JMJD1C: variants seen among roughly 807,000 people sequenced by gnomAD.
The protein encoded by JMJD1C is jumonji domain-containing protein 1C.
JMJD1C carries 31 observed loss-of-function variants against 245.3 expected under a neutral mutation model. That is an observed-to-expected ratio of 0.13 (90% CI 0.09 to 0.17). The LOEUF is 0.17. Among genes scored for constraint, JMJD1C ranks in the 10% least tolerant of loss-of-function variants. The probability of loss-of-function intolerance (pLI) is 1.00; values close to 1 mark genes in which losing one functional copy is unlikely to be tolerated. For missense variants in JMJD1C, 2,691 were observed against 3,000.2 expected, an observed-to-expected ratio of 0.90 and a Z score of 2.41; for synonymous variants, 1,057 against 1,017.4, an observed-to-expected ratio of 1.04 and a Z score of -0.74.
intron 3 of JMJD1C, chr10:63,223,054 A>G (rs960526129): frequency 6.2e-6 from 7 of 1,123,712 alleles, no homozygotes; most frequent in African/African-American, 3.1e-5. Context: ...TATAATTGGT[A>G]TATGTCTTCC....
intron 2 of JMJD1C, among the ~76,000 whole-genome samples, chr10:63,337,655 C>T (rs892275485): frequency 7.1e-6 from 1 of 140,960 alleles, no homozygotes; most frequent in Non-Finnish European, 1.6e-5. Flanking sequence ...CGCTATTGTT[C>T]CTCACAGTAA....
intron 2 of JMJD1C, among the ~76,000 whole-genome samples, chr10:63,323,017 C>T (rs114654161): frequency 1.3e-5 from 2 of 150,962 alleles, no homozygotes; most frequent in Non-Finnish European, 2.9e-5. Flanking sequence ...ATACATAGAT[C>T]TATATATGAA....
intron 1 of JMJD1C, among the ~76,000 whole-genome samples, chr10:63,419,789 T>C (rs1950012174): frequency 7.2e-6 from 1 of 138,500 alleles, no homozygotes; most frequent in Non-Finnish European, 1.5e-5. Flanking sequence ...AGACAATCCC[T>C]ATCACCAGGC....
intron 2 of JMJD1C, among the ~76,000 whole-genome samples, chr10:63,365,879 C>G (rs1488013884): frequency 6.6e-6 from 1 of 152,190 alleles, no homozygotes; most frequent in Non-Finnish European, 1.5e-5. Flanking sequence ...TACTGGGAAA[C>G]AATCACTAGG....
At chr10:63,418,295 A>G (rs1949913650) in intron 1 of JMJD1C, among the ~76,000 whole-genome samples, 1 of 152,194 alleles carries the variant, frequency 6.6e-6, no homozygotes, top group Non-Finnish European at 1.5e-5. Flanking sequence ...AAAAATTACC[A>G]TACTATAGAA....
chr10:63,225,614 C>G (rs1554845122), intron 3 of JMJD1C, among the ~76,000 whole-genome samples: 2 of 151,992 alleles, frequency 1.3e-5, no homozygotes, highest in Non-Finnish European at 2.9e-5. Context: ...CCCGTCTCTA[C>G]TAAAAATACA....
At chr10:63,498,276 G>T (rs1284756834) in intron 1 of JMJD1C, among the ~76,000 whole-genome samples, 1 of 152,138 alleles carries the variant, frequency 6.6e-6, no homozygotes, top group African/African-American at 2.4e-5. Flanking sequence ...ATGCTGTACA[G>T]TTGTAAAAGT....
chr10:63,258,237 A>T (rs182498150), intron 3 of JMJD1C, among the ~76,000 whole-genome samples: 1 of 152,244 alleles, frequency 6.6e-6, no homozygotes, highest in Admixed American at 6.5e-5. Flanking sequence ...GACTTTCCCA[A>T]TGTGAACTAG....
intron 18 of JMJD1C, among the ~76,000 whole-genome samples, chr10:63,188,756 A>G (rs1355157534): frequency 6.6e-6 from 1 of 152,224 alleles, no homozygotes; most frequent in Non-Finnish European, 1.5e-5. Flanking sequence ...TGTTCTGTGT[A>G]TAAATATTAC....
intron 3 of JMJD1C, among the ~76,000 whole-genome samples, chr10:63,226,240 T>G (rs750952965): frequency 2.0e-5 from 3 of 152,118 alleles, no homozygotes; most frequent in Non-Finnish European, 4.4e-5. Context: ...AGAGGAGACT[T>G]AGGGTGGCAA....
At chr10:63,427,831 G>GT (rs1238367891) in intron 1 of JMJD1C, 18 of 1,054,916 alleles carry the variant, frequency 1.7e-5, no homozygotes, top group East Asian at 9.5e-5. Flanking sequence ...TAAAACACTT[G>GT]TTGAGACAGC....
intron 2 of JMJD1C, among the ~76,000 whole-genome samples, chr10:63,338,524 T>C (rs144282518): frequency 1.1e-3 from 167 of 152,094 alleles, no homozygotes; most frequent in African/African-American, 3.7e-3. Flanking sequence ...ACCGCTAAGA[T>C]AGACCTAGAT....
At chr10:63,463,353 G>C (rs1056221453) in intron 1 of JMJD1C, among the ~76,000 whole-genome samples, 4 of 152,000 alleles carry the variant, frequency 2.6e-5, no homozygotes, top group Non-Finnish European at 4.4e-5. Flanking sequence ...TTTTTGTAGG[G>C]ACAGGGTTTC....
chr10:63,520,235 C>T (rs886142752), intron 1 of JMJD1C, among the ~76,000 whole-genome samples: 1 of 152,098 alleles, frequency 6.6e-6, no homozygotes, highest in South Asian at 2.1e-4. Flanking sequence ...TTTAGCAGTG[C>T]CTCATATCAC....
rs1951807798 is a variant in JMJD1C at position 63,447,890 on chromosome 10, G to C, written c.168+17605C>G. Among the ~76,000 whole-genome samples, 3 of 151,860 alleles carry C rather than the reference G, an allele frequency of 2.0e-5. No individual in the cohort carries two copies. In the South Asian group the frequency reaches 6.2e-4, roughly 31 times the overall value. On this transcript the variant is annotated intron_variant, in intron 1 of 25. Coordinates refer to ENST00000399262, the MANE Select transcript of JMJD1C (RefSeq NM_032776.3). ...GGAGGCAAAGGTTGCAGTGAGCTGA[G>C]ACCACGCCACTGCACTCCAGCCTGG... is the stretch of plus-strand genomic sequence containing the variant.
chr10:63,521,626 C>T, intron 1 of JMJD1C: 1 of 1,341,922 alleles, frequency 7.5e-7, no homozygotes, highest in Non-Finnish European at 9.8e-7. Context: ...CCCAGGGGAG[C>T]TGTGGGAAGG....
chr10:63,500,625 G>C (rs759022821), intron 1 of JMJD1C, among the ~76,000 whole-genome samples: 1 of 152,126 alleles, frequency 6.6e-6, no homozygotes, highest in Non-Finnish European at 1.5e-5. Flanking sequence ...CCAGCTACTT[G>C]AGAGGCAGAG....
In JMJD1C at chr10:63,185,674, T is replaced by C. The variant is rs770435943; in HGVS notation, c.6740-21A>G. The C allele has an allele frequency of 3.8e-6, 5 of 1,332,720 alleles. No individual in the cohort carries two copies. In the African/African-American group the frequency reaches 4.3e-5, roughly 11 times the overall value. 82.6% of individuals were successfully genotyped at this position (1,332,720 alleles called of 1,614,324 possible). On this transcript the variant is annotated intron_variant, in intron 19 of 25. Transcript: ENST00000399262. Reference sequence around the variant, plus strand: ...CCGTTCTATAAGGAATGCAGTTAATTACTAAAAGGGTAATTTCTGCCTTTT... The same window carrying C: ...CCGTTCTATAAGGAATGCAGTTAATCACTAAAAGGGTAATTTCTGCCTTTT...
chr10:63,436,475 A>C (rs1056235767), intron 1 of JMJD1C, among the ~76,000 whole-genome samples: 6 of 152,100 alleles, frequency 3.9e-5, no homozygotes, highest in African/African-American at 1.4e-4. Flanking sequence ...CTCATCTCTA[A>C]AAATCAGTAC....
Sources: allele counts gnomAD v4.1 joint callset (sites outside exome capture counted in the v4.1 genomes callset), GRCh38; gene constraint gnomAD v4.1.1; transcripts MANE v1.5; gene names NCBI Gene and HGNC (gene_info 2026-07-23, HGNC 2026-07-21).